The following CCDC73 variants were observed in gnomAD, a reference collection of about 807,000 sequenced individuals.
CCDC73 encodes coiled-coil domain-containing protein 73.
CCDC73 carries 95 observed loss-of-function variants against 116.5 expected under a neutral mutation model. The observed-to-expected ratio is 0.82, with a 90% confidence interval of 0.69 to 0.97. The LOEUF (loss-of-function observed/expected upper bound fraction) is 0.97. Among genes scored for constraint, CCDC73 ranks in the 50% least tolerant of loss-of-function variants. The pLI is 0.00. For synonymous variants in CCDC73, 398 were observed against 401.3 expected (o/e 0.99, Z 0.10); for missense variants, 1,066 against 1,206.8 (o/e 0.88, Z 1.73).
intron 2 of CCDC73, among the ~76,000 whole-genome samples, chr11:32,737,718 C>G (rs1175755859): frequency 6.6e-6 from 1 of 151,814 alleles, no homozygotes; most frequent in Non-Finnish European, 1.5e-5. Flanking sequence ...TCTCAGTTAT[C>G]TTTAAATGTA....
chr11:32,687,421 G>C (rs547422527), intron 6 of CCDC73, among the ~76,000 whole-genome samples: 2 of 152,118 alleles, frequency 1.3e-5, no homozygotes, highest in South Asian at 2.1e-4. Flanking sequence ...AGGAAAGAGG[G>C]GGCAGCAGAA....
At chr11:32,623,533 T>G (rs1010734991) in intron 14 of CCDC73, among the ~76,000 whole-genome samples, 3 of 152,144 alleles carry the variant, frequency 2.0e-5, no homozygotes, top group Non-Finnish European at 4.4e-5. Context: ...AAAAAAATTT[T>G]GTAGAGACAA....
chr11:32,761,000 C>G (rs80182414), intron 1 of CCDC73, among the ~76,000 whole-genome samples: 1 of 152,210 alleles, frequency 6.6e-6, no homozygotes, highest in Non-Finnish European at 1.5e-5. Flanking sequence ...TGTATATATG[C>G]TTTTGGCAAG....
At chr11:32,758,239 TC>T in intron 2 of CCDC73, 1 of 318,296 alleles carries the variant, frequency 3.1e-6, no homozygotes, top group South Asian at 2.9e-5. Context: ...TTCCTCTTCA[TC>T]CAGGGATGGC....
intron 2 of CCDC73, among the ~76,000 whole-genome samples, chr11:32,728,725 G>A (rs1850050415): frequency 6.6e-6 from 1 of 152,056 alleles, no homozygotes; most frequent in Admixed American, 6.5e-5. Flanking sequence ...TTTTGTTTGA[G>A]CTGGAGTCTC....
At chr11:32,685,622 A>T (rs573860808) in intron 6 of CCDC73, among the ~76,000 whole-genome samples, 1 of 151,870 alleles carries the variant, frequency 6.6e-6, no homozygotes, top group South Asian at 2.1e-4. Context: ...ATCATTGTAG[A>T]CCTCGTTATG....
chr11:32,719,766 C>T (rs971923290), intron 2 of CCDC73, among the ~76,000 whole-genome samples: 2 of 152,032 alleles, frequency 1.3e-5, no homozygotes, highest in African/African-American at 4.8e-5. Context: ...TAAGCAAATG[C>T]TACAAAAAAA....
intron 14 of CCDC73, among the ~76,000 whole-genome samples, chr11:32,627,677 G>A (rs1052139300): frequency 2.6e-5 from 4 of 152,116 alleles, no homozygotes; most frequent in African/African-American, 4.8e-5. Flanking sequence ...GTAGGAACAC[G>A]GATGAAGCTG....
chr11:32,803,375 G>A, the CCDC73 span, among the ~76,000 whole-genome samples: 6 of 152,162 alleles, frequency 3.9e-5, no homozygotes, highest in South Asian at 2.1e-4. Flanking sequence ...ACAGGCGTGC[G>A]CCACCACACC....
chr11:32,664,848 G>C (rs1855965318), intron 9 of CCDC73, among the ~76,000 whole-genome samples: 1 of 152,070 alleles, frequency 6.6e-6, no homozygotes, highest in African/African-American at 2.4e-5. Flanking sequence ...AGAGATTCTG[G>C]TATGTTGTGT....
In CCDC73 at chr11:32,696,573, G is replaced by A. The variant is rs116414240; in HGVS notation, c.390+2678C>T. 7.2e-3 allele frequency among the ~76,000 whole-genome samples: 1,090 copies of A among 151,900 alleles called. 17 individuals carry two copies. The highest frequency in any genetic ancestry group is 0.025 in the African/African-American group (1,046 of 41,404). ...TCCTGTGTAGCCTGGAGCTACAGGC[G>A]TGCACCACCATATCTGGCTAATTTT... On this transcript the variant is annotated intron_variant, in intron 6 of 17. Transcript: ENST00000335185.
intron 15 of CCDC73, 174 bp downstream of exon 15, chr11:32,615,766 A>G (rs1855467999): frequency 1.8e-6 from 1 of 544,076 alleles, no homozygotes; most frequent in African/African-American, 2.0e-5. Flanking sequence ...GGTCATCAGA[A>G]GGTTACTGGT....
At chr11:32,781,768 G>C (rs2133397196) in intron 1 of CCDC73, among the ~76,000 whole-genome samples, 1 of 152,314 alleles carries the variant, frequency 6.6e-6, no homozygotes, top group East Asian at 1.9e-4. Flanking sequence ...CTTCTCCACA[G>C]CTCCAATAGC....
chr11:32,641,888 C>A, intron 13 of CCDC73, 84 bp downstream of exon 13: 1 of 1,045,746 alleles, frequency 9.6e-7, no homozygotes, highest in Non-Finnish European at 1.2e-6. Context: ...AATATTTTTG[C>A]AATATTTTCT....
intron 1 of CCDC73, among the ~76,000 whole-genome samples, chr11:32,785,966 T>A (rs1850623586): frequency 6.6e-6 from 1 of 152,192 alleles, no homozygotes; most frequent in South Asian, 2.1e-4. Flanking sequence ...TGGTTTTACA[T>A]AAGGGTTCAG....
At chr11:32,784,999 C>T (rs981535719) in intron 1 of CCDC73, among the ~76,000 whole-genome samples, 4 of 152,044 alleles carry the variant, frequency 2.6e-5, no homozygotes, top group South Asian at 4.2e-4. Context: ...CACGGTGAAA[C>T]CCCATCTCTA....
intron 3 of CCDC73, among the ~76,000 whole-genome samples, chr11:32,704,747 T>C (rs1004505725): frequency 1.3e-5 from 2 of 152,190 alleles, no homozygotes; most frequent in Non-Finnish European, 2.9e-5. Context: ...AAGTGGTATT[T>C]TCTGGGCCCA....
the CCDC73 span, among the ~76,000 whole-genome samples, chr11:32,802,917 T>C: frequency 8.6e-5 from 13 of 151,350 alleles, no homozygotes; most frequent in African/African-American, 3.2e-4. Context: ...CATGCCCAGC[T>C]AATTTTTCTT....
the CCDC73 span, among the ~76,000 whole-genome samples, chr11:32,814,341 G>T: frequency 1.3e-5 from 2 of 152,156 alleles, no homozygotes; most frequent in African/African-American, 2.4e-5. Flanking sequence ...TAATATTGCA[G>T]GCTAGCTAGA....
Sources: allele counts gnomAD v4.1 joint callset (sites outside exome capture counted in the v4.1 genomes callset), GRCh38; gene constraint gnomAD v4.1.1; transcripts MANE v1.5; gene names NCBI Gene and HGNC (gene_info 2026-07-23, HGNC 2026-07-21).